CLHC1: variants seen among roughly 807,000 people sequenced by gnomAD.
CLHC1 encodes clathrin heavy chain linker domain containing 1.
In CLHC1, 72 loss-of-function variants were observed where a neutral mutation model predicts 69.5. The ratio of observed to expected loss-of-function variants is 1.04; its 90% CI spans 0.86 to 1.26. CLHC1 has a LOEUF of 1.26. Ranked by LOEUF, CLHC1 falls within the 50% of genes most tolerant of loss-of-function variation. CLHC1 has a pLI of 0.00. For missense variants in CLHC1, 790 were observed against 679.3 expected, an observed-to-expected ratio of 1.16 and a Z score of -1.81; for synonymous variants, 223 against 224.3, an observed-to-expected ratio of 0.99 and a Z score of 0.05.
At chr2:55,223,814 G>C (rs1307445150) in intron 2 of CLHC1, among the ~76,000 whole-genome samples, 1 of 142,942 alleles carries the variant, frequency 7.0e-6, no homozygotes, top group Non-Finnish European at 1.5e-5. Context: ...TTTTTTTTTT[G>C]AGACGGAGTC....
At chr2:55,195,166 C>T (rs572493307) in intron 9 of CLHC1, among the ~76,000 whole-genome samples, 3 of 152,218 alleles carry the variant, frequency 2.0e-5, no homozygotes, top group African/African-American at 7.2e-5. Context: ...ACTTAGTATC[C>T]TCTGACCAAC....
intron 9 of CLHC1, among the ~76,000 whole-genome samples, chr2:55,196,444 G>A (rs1671422600): frequency 6.6e-6 from 1 of 152,198 alleles, no homozygotes; most frequent in Admixed American, 6.5e-5. Context: ...TTCCACTTGA[G>A]GAGAGGAGAT....
intron 2 of CLHC1, among the ~76,000 whole-genome samples, chr2:55,223,545 C>G (rs892094054): frequency 2.0e-5 from 3 of 152,104 alleles, no homozygotes; most frequent in Non-Finnish European, 2.9e-5. Flanking sequence ...AGGGTCGGCG[C>G]GACCGCTCTC....
At chr2:55,218,754 AAAAT>A (rs1673825543) in intron 3 of CLHC1, among the ~76,000 whole-genome samples, 1 of 152,228 alleles carries the variant, frequency 6.6e-6, no homozygotes, top group Non-Finnish European at 1.5e-5. Flanking sequence ...AATAAGTCAA[AAAAT>A]AAAAATAGAA....
In CLHC1 at chr2:55,208,625, C is replaced by A; in HGVS notation, c.899+1G>T. ...AAAATTAAAGCTTTTAAAATATTTG[C>A]CTTTCAATGTAGTGAAGCATAATTT... On this transcript the variant is annotated splice_donor_variant, in intron 8 of 12. Coordinates refer to ENST00000401408, the MANE Select transcript of CLHC1 (RefSeq NM_152385.4). LOFTEE classifies it high-confidence loss of function. The A allele has an allele frequency of 6.3e-7, 1 of 1,580,266 alleles. No homozygotes were observed. Among genetic ancestry groups the A allele is most frequent in the South Asian group, 1.1e-5 (1 of 89,322 alleles).
At chr2:55,196,777 T>C (rs113612828) in intron 9 of CLHC1, among the ~76,000 whole-genome samples, 10 of 152,184 alleles carry the variant, frequency 6.6e-5, no homozygotes, top group African/African-American at 2.4e-4. Context: ...CCAGCTGTAA[T>C]GGCTATCAGC....
At chr2:55,218,147 T>C (rs1673762888) in intron 3 of CLHC1, 149 bp from the exon 4 acceptor site, 1 of 456,114 alleles carries the variant, frequency 2.2e-6, no homozygotes, top group African/African-American at 2.0e-5. Flanking sequence ...TCAAACATAA[T>C]TGGACACTAA....
rs777636223 is a variant in CLHC1 at position 55,177,607 on chromosome 2, C to T, written c.1559G>A (p.Gly520Glu). ...IKLLQEINKGGIDAVESLMIN... is the reference protein window; with the variant it reads ...IKLLQEINKGEIDAVESLMIN... ...CAACATTTTATTCTACTTACCTATC[C>T]CACCTTTATTGATTTCTTGAAGTAG... The change falls in exon 12 of 13, where the codon GGG becomes GAG. Residue 520 changes from glycine to glutamate, a missense_variant. Physicochemically the swap from Gly to Glu is moderately conservative, Grantham distance 98. Transcript: ENST00000401408. 2 of 1,597,172 alleles carry T rather than the reference C, an allele frequency of 1.3e-6. No individual in the cohort carries two copies. The highest frequency in any genetic ancestry group is 1.7e-6 in the Non-Finnish European group (2 of 1,169,836).
intron 9 of CLHC1, among the ~76,000 whole-genome samples, chr2:55,194,214 T>C (rs543841564): frequency 6.6e-6 from 1 of 152,198 alleles, no homozygotes; most frequent in African/African-American, 2.4e-5. Flanking sequence ...GTTTCCCAAC[T>C]CTGTATTACA....
At chr2:55,203,265 C>T (rs1318991209) in intron 9 of CLHC1, among the ~76,000 whole-genome samples, 2 of 152,114 alleles carry the variant, frequency 1.3e-5, no homozygotes, top group African/African-American at 2.4e-5. Context: ...AATGCAATCC[C>T]TATCAAAATA....
At chr2:55,197,889 T>C (rs1671571942) in intron 9 of CLHC1, among the ~76,000 whole-genome samples, 1 of 152,012 alleles carries the variant, frequency 6.6e-6, no homozygotes, top group South Asian at 2.1e-4. Context: ...AAGACAAAGA[T>C]ATGTAACCTT....
In CLHC1 at chr2:55,172,581, C is replaced by A. The variant is rs1475592674; in HGVS notation, c.*3209G>T. Among the ~76,000 whole-genome samples the A allele has an allele frequency of 6.6e-6, 1 of 150,424 alleles. No homozygotes were observed. The highest frequency in any genetic ancestry group is 1.5e-5 in the Non-Finnish European group (1 of 67,792). The stretch of plus-strand genomic sequence containing the variant: ...TACCCAATATATTTTTATTCAAGAA[C>A]ACAACAAATTATAACTACTAGCAAA... On this transcript the variant is annotated 3_prime_UTR_variant, in exon 13 of 13. Coordinates refer to ENST00000401408, the MANE Select transcript of CLHC1 (RefSeq NM_152385.4).
intron 3 of CLHC1, 88 bp downstream of exon 3, chr2:55,222,147 T>C (rs908570894): frequency 1.2e-6 from 1 of 853,394 alleles, no homozygotes. Context: ...ATTCAAACAG[T>C]GGTGTTACTA....
chr2:55,197,452 G>A (rs1671534239), intron 9 of CLHC1, among the ~76,000 whole-genome samples: 1 of 152,224 alleles, frequency 6.6e-6, no homozygotes, highest in African/African-American at 2.4e-5. Context: ...GGTGACCACA[G>A]TGGTGCTTGT....
At chr2:55,200,015 G>A (rs748930725) in intron 9 of CLHC1, among the ~76,000 whole-genome samples, 3 of 151,998 alleles carry the variant, frequency 2.0e-5, no homozygotes, top group African/African-American at 4.8e-5. Context: ...CCTGAACCCA[G>A]GAGTTCAAGA....
Position 55,217,888 on chromosome 2 carries a change from A to C in CLHC1, c.288T>G (p.His96Gln). 6.2e-7 allele frequency: 1 copy of C among 1,607,284 alleles called. No homozygotes were observed. Among genetic ancestry groups the C allele is most frequent in the Non-Finnish European group, 8.5e-7 (1 of 1,177,208 alleles). ...KKDRRTTFCL[H>Q]GKLKGLAAEP... is the part of the protein sequence containing the mutation. ...CTGCTGCCAAACCTTTAAGTTTTCCATGAAGACAAAATGTAGTTCTTCGGT... is the reference window on the plus strand; with the variant it reads ...CTGCTGCCAAACCTTTAAGTTTTCCCTGAAGACAAAATGTAGTTCTTCGGT... Residue 96 changes from histidine to glutamine, a missense_variant, in exon 4 of 13, where the codon CAT becomes CAG. Physicochemically the swap from His to Gln is conservative, Grantham distance 24. Transcript: ENST00000401408.
At chr2:55,183,859 C>T (rs1670150874) in intron 9 of CLHC1, among the ~76,000 whole-genome samples, 1 of 151,996 alleles carries the variant, frequency 6.6e-6, no homozygotes, top group Admixed American at 6.5e-5. Context: ...CGGCTCACTG[C>T]AACCTCTGCC....
chr2:55,214,833 A>G (rs769966353), intron 4 of CLHC1: 1 of 152,256 alleles, frequency 6.6e-6, no homozygotes. Flanking sequence ...GGATAAACAA[A>G]ATGTAGTATA....
chr2:55,208,202 A>G (rs1156822655), intron 8 of CLHC1, among the ~76,000 whole-genome samples: 1 of 152,158 alleles, frequency 6.6e-6, no homozygotes, highest in Non-Finnish European at 1.5e-5. Context: ...AGTGTTTTGG[A>G]TTTCAGATTT....
Sources: allele counts gnomAD v4.1 joint callset (sites outside exome capture counted in the v4.1 genomes callset), GRCh38; gene constraint gnomAD v4.1.1; transcripts MANE v1.5; gene names NCBI Gene and HGNC (gene_info 2026-07-23, HGNC 2026-07-21).